The following TASP1 variants were observed in gnomAD, a reference collection of about 807,000 sequenced individuals.
TASP1 encodes threonine aspartase 1.
Under a neutral mutation model 56.6 loss-of-function variants are expected in TASP1, and 16 were observed. The observed-to-expected ratio is 0.28, with a 90% CI of 0.19 to 0.43. The LOEUF (loss-of-function observed/expected upper bound fraction) is 0.43, where lower values mean the gene tolerates loss of function less well. Ranked by LOEUF, TASP1 falls within the 20% of genes least tolerant of loss-of-function variation. The pLI is 1.00. For synonymous variants in TASP1, 179 were observed against 184.2 expected, an observed-to-expected ratio of 0.97 and a Z score of 0.23; for missense variants, 393 against 511.6, an observed-to-expected ratio of 0.77 and a Z score of 2.24.
chr20:13,500,521 A>G (rs1190326155), intron 10 of TASP1, among the ~76,000 whole-genome samples: 1 of 151,814 alleles, frequency 6.6e-6, no homozygotes, highest in Non-Finnish European at 1.5e-5. Context: ...ATGAAAAATA[A>G]TTTATGTAAG....
intron 13 of TASP1, among the ~76,000 whole-genome samples, chr20:13,397,919 G>C (rs529264976): frequency 6.6e-6 from 1 of 152,250 alleles, no homozygotes; most frequent in Admixed American, 6.5e-5. Context: ...CCTTGGTCAA[G>C]ACAGCCCAAG....
At chr20:13,118,999 A>C in the TASP1 span, among the ~76,000 whole-genome samples, 46 of 152,350 alleles carry the variant, frequency 3.0e-4, no homozygotes, top group Non-Finnish European at 5.6e-4. Context: ...TGTGGGAATC[A>C]GCTGGGTAAT....
chr20:13,588,565 C>A (rs184819724), intron 4 of TASP1, among the ~76,000 whole-genome samples: 4 of 151,946 alleles, frequency 2.6e-5, no homozygotes, highest in Non-Finnish European at 5.9e-5. Context: ...GAAAATCTCA[C>A]AATAACATCA....
the TASP1 span, among the ~76,000 whole-genome samples, chr20:13,315,508 C>T: frequency 6.6e-6 from 1 of 151,900 alleles, no homozygotes; most frequent in Admixed American, 6.6e-5. Flanking sequence ...TATGTATTCA[C>T]CTAATAACAG....
At chr20:13,605,993 T>G (rs1215765992) in intron 4 of TASP1, among the ~76,000 whole-genome samples, 1 of 152,162 alleles carries the variant, frequency 6.6e-6, no homozygotes, top group African/African-American at 2.4e-5. Context: ...CAGCCCACAC[T>G]GCGATTCTGA....
chr20:13,494,156 A>G (rs1436469873), intron 10 of TASP1, among the ~76,000 whole-genome samples: 2 of 152,254 alleles, frequency 1.3e-5, no homozygotes, highest in Admixed American at 1.3e-4. Flanking sequence ...TCAATCTTCT[A>G]TCTGGATTCC....
At chr20:13,571,417 A>G (rs1008377423) in intron 6 of TASP1, among the ~76,000 whole-genome samples, 14 of 152,346 alleles carry the variant, frequency 9.2e-5, no homozygotes, top group African/African-American at 2.9e-4. Context: ...CATTCTTCTG[A>G]TTCTCCGAGG....
Position 13,389,520 on chromosome 20 carries a change from A to C in TASP1, c.*840T>G, listed in dbSNP as rs2041199630. The stretch of plus-strand genomic sequence containing the variant: ...TAAACAAAAACAAAGATAATATTGA[A>C]TTTTCCCATAAACTTTGCTTTCTTA... On this transcript the variant is annotated 3_prime_UTR_variant, in exon 14 of 14. Transcript: ENST00000337743. 1 of 152,528 alleles carries C rather than the reference A, an allele frequency of 6.6e-6. No individual in the cohort carries two copies. Among genetic ancestry groups the C allele is most frequent in the African/African-American group, 2.4e-5 (1 of 41,454 alleles). 9.4% of individuals were successfully genotyped at this position (152,528 alleles called of 1,614,324 possible). A position where few individuals can be genotyped will look rare whatever the true frequency, so the allele number is the denominator to read the frequency against.
chr20:13,349,453 A>G, the TASP1 span, among the ~76,000 whole-genome samples: 32,999 of 152,182 alleles, frequency 0.22, 4,451 homozygotes, highest in African/African-American at 0.38. Flanking sequence ...CACTCTTCCC[A>G]TAAGTCCATT....
chr20:13,308,645 G>A, the TASP1 span, among the ~76,000 whole-genome samples: 1 of 152,158 alleles, frequency 6.6e-6, no homozygotes, highest in Non-Finnish European at 1.5e-5. Flanking sequence ...GCTGTTAAAT[G>A]ATCTAGGCTA....
chr20:13,112,930 C>A, the TASP1 span, among the ~76,000 whole-genome samples: 1 of 152,182 alleles, frequency 6.6e-6, no homozygotes, highest in Admixed American at 6.5e-5. Flanking sequence ...TGCCTGTAAT[C>A]CTATCACTTC....
intron 4 of TASP1, among the ~76,000 whole-genome samples, chr20:13,608,050 G>C (rs2048221932): frequency 6.6e-6 from 1 of 152,182 alleles, no homozygotes; most frequent in Non-Finnish European, 1.5e-5. Context: ...AGCTGAGAAA[G>C]GTGGGGAAAA....
the TASP1 span, among the ~76,000 whole-genome samples, chr20:13,365,091 T>C: frequency 1.3e-5 from 2 of 152,238 alleles, no homozygotes; most frequent in Admixed American, 6.5e-5. Context: ...TCTTTGTCTC[T>C]TATTTTCATA....
intron 13 of TASP1, among the ~76,000 whole-genome samples, chr20:13,394,060 C>T (rs1005937760): frequency 2.7e-5 from 4 of 150,812 alleles, no homozygotes; most frequent in South Asian, 2.1e-4. Context: ...GCAGGCGGAT[C>T]CCCCGAGGTC....
chr20:13,109,781 C>A, the TASP1 span, among the ~76,000 whole-genome samples: 4 of 152,122 alleles, frequency 2.6e-5, no homozygotes, highest in African/African-American at 7.2e-5. Flanking sequence ...TTTCAGCCTG[C>A]AACAAAGCTT....
the TASP1 span, among the ~76,000 whole-genome samples, chr20:13,138,960 G>A: frequency 6.6e-6 from 1 of 152,196 alleles, no homozygotes; most frequent in Non-Finnish European, 1.5e-5. Context: ...AAACTCAAAA[G>A]TGTATTTGAC....
chr20:13,490,103 C>T (rs73080067), intron 10 of TASP1, among the ~76,000 whole-genome samples: 33,649 of 152,092 alleles, frequency 0.22, 3,832 homozygotes, highest in Middle Eastern at 0.29. Context: ...CTCATATACA[C>T]ATATTTATCA....
chr20:13,393,175 T>C, intron 13 of TASP1: 1 of 686,244 alleles, frequency 1.5e-6, no homozygotes. Flanking sequence ...TATGACAACT[T>C]TGGTATCATG....
the TASP1 span, among the ~76,000 whole-genome samples, chr20:13,272,214 C>T: frequency 6.6e-6 from 1 of 152,118 alleles, no homozygotes; most frequent in African/African-American, 2.4e-5. Flanking sequence ...CCAATTGATC[C>T]TTCATTAACT....
Sources: gnomAD v4.1 joint callset for allele counts (sites outside exome capture counted in the v4.1 genomes callset) on GRCh38, gnomAD v4.1.1 for gene constraint, MANE v1.5 for transcripts, NCBI Gene and HGNC (gene_info 2026-07-23, HGNC 2026-07-21) for gene names.